The following DENND4B variants were observed in gnomAD, a reference collection of about 807,000 sequenced individuals.
DENND4B encodes DENN domain-containing protein 4B.
DENND4B carries 67 observed loss-of-function variants against 161.0 expected under a neutral mutation model. The observed-to-expected ratio is 0.42, with a 90% CI of 0.34 to 0.51. The LOEUF (loss-of-function observed/expected upper bound fraction) is 0.51. DENND4B is among the 20% of genes least tolerant of loss of function. The probability of loss-of-function intolerance (pLI) is 0.08; values close to 1 mark genes in which losing one functional copy is unlikely to be tolerated. For synonymous variants in DENND4B, 753 were observed against 813.8 expected, an observed-to-expected ratio of 0.93 and a Z score of 1.27; for missense variants, 1,481 against 1,968.0, an observed-to-expected ratio of 0.75 and a Z score of 4.68.
Position 153,933,414 on chromosome 1 carries a change from T to G in DENND4B, c.3330+69A>C. 6.2e-7 allele frequency: 1 copy of G among 1,605,262 alleles called. No individual in the cohort carries two copies. ...CCCCTCAGAGCCCCCTTTTTGAGCA[T>G]TCTTCCAGTCGTAGCCCCTCCCCAA... On this transcript the variant is annotated intron_variant, in intron 20 of 27. Coordinates refer to ENST00000361217, the MANE Select transcript of DENND4B (RefSeq NM_014856.3). The surrounding 1 kb of genome is among the most constrained non-coding windows in gnomAD (Gnocchi z 5.7).
chr1:153,941,667 AGTTT>A (rs1679678107), intron 6 of DENND4B, among the ~76,000 whole-genome samples, 198 bp downstream of exon 6: 2 of 152,160 alleles, frequency 1.3e-5, no homozygotes, highest in East Asian at 1.9e-4. Flanking sequence ...CTAACTAGTA[AGTTT>A]AGACTGGATT....
Position 153,940,816 on chromosome 1 carries a change from A to G in DENND4B, c.1326+88T>C. 1 of 1,486,490 alleles carries G rather than the reference A, an allele frequency of 6.7e-7. No homozygotes were observed. The highest frequency in any genetic ancestry group is 8.9e-7 in the Non-Finnish European group (1 of 1,120,088). 92.1% of individuals were successfully genotyped at this position (1,486,490 alleles called of 1,614,324 possible). A position where few individuals can be genotyped will look rare whatever the true frequency, so the allele number is the denominator to read the frequency against. ...AAGGGGCTGAGGATCCTCCACAAGG[A>G]AGGAAAAGGGAAGAGTCCAGGCAGG... On this transcript the variant is annotated intron_variant, in intron 9 of 27. Coordinates refer to ENST00000361217, the MANE Select transcript of DENND4B (RefSeq NM_014856.3). This position sits in a 1 kb window ranked among gnomAD's most constrained non-coding sequence, Gnocchi z 5.6.
chr1:153,939,806 T>C lies in DENND4B; in HGVS notation c.1604-2A>G. 1 of 1,613,498 alleles carries C rather than the reference T, an allele frequency of 6.2e-7. No homozygotes were observed. The highest frequency in any genetic ancestry group is 8.5e-7 in the Non-Finnish European group (1 of 1,179,678). On this transcript the variant is annotated splice_acceptor_variant, in intron 11 of 27. Coordinates refer to ENST00000361217, the MANE Select transcript of DENND4B (RefSeq NM_014856.3). LOFTEE classifies it high-confidence loss of function. ...CTTCCTCCTCAGGTCCAGTGTATGCTGGAGGCCAGGGCAGCCTAAGAGTCA... is the reference window on the plus strand; with the variant it reads ...CTTCCTCCTCAGGTCCAGTGTATGCCGGAGGCCAGGGCAGCCTAAGAGTCA...
In DENND4B at chr1:153,940,337, G is replaced by A; in HGVS notation, c.1503-81C>T. On this transcript the variant is annotated intron_variant, in intron 10 of 27. Transcript: ENST00000361217. The surrounding 1 kb of genome is among the most constrained non-coding windows in gnomAD (Gnocchi z 5.6). ...GTTCCTTGCCAGCCTCCCTCACTTT[G>A]TGCCTGAAGCTCTTTTTGAGCCCGT... is the stretch of plus-strand genomic sequence containing the variant. The A allele has an allele frequency of 1.3e-6, 2 of 1,563,812 alleles. No homozygotes were observed. The highest frequency in any genetic ancestry group is 1.7e-6 in the Non-Finnish European group (2 of 1,151,282).
chr1:153,937,487 C>A lies in DENND4B; in HGVS notation c.2232+1G>T. On this transcript the variant is annotated splice_donor_variant, in intron 15 of 27. Coordinates refer to ENST00000361217, the MANE Select transcript of DENND4B (RefSeq NM_014856.3). LOFTEE classifies it high-confidence loss of function. This position sits in a 1 kb window ranked among gnomAD's most constrained non-coding sequence, Gnocchi z 4.7. Reference sequence around the variant, plus strand: ...CTCAGTGCGGTCCACCCACTGCTTACCTGTTTGGTACGGCGAGGAGCAGGA... The same window carrying A: ...CTCAGTGCGGTCCACCCACTGCTTAACTGTTTGGTACGGCGAGGAGCAGGA... The A allele has an allele frequency of 6.4e-7, 1 of 1,550,950 alleles. No homozygotes were observed. The highest frequency in any genetic ancestry group is 8.7e-7 in the Non-Finnish European group (1 of 1,147,226).
In DENND4B at chr1:153,932,235, A is replaced by G. The variant is rs772990502; in HGVS notation, c.3965T>C (p.Leu1322Pro). 7.4e-6 allele frequency: 12 copies of G among 1,613,862 alleles called. No homozygotes were observed. The Admixed American group carries it at 1.0e-4, about 13-fold the overall frequency. ...GTGCGAAGGCCCATCACAGGAGGCC[A>G]GCACCAGGCCTGGTAGAATACTGGG... ...RLPSILPGLV[L>P]ASCDGPSHSQ... Residue 1322 changes from leucine to proline, a missense_variant, in exon 24 of 28, where the codon CTG (leucine) becomes CCG (proline). This residue lies in a region of DENND4B where 336 missense variants were observed against 503.3 expected (regional missense o/e 0.67). Transcript: ENST00000361217. The surrounding 1 kb of genome is among the most constrained non-coding windows in gnomAD (Gnocchi z 5.8).
At position 153,944,162 on chromosome 1, in the gene DENND4B, A is replaced by T. The variant is rs1345251186; in HGVS notation, c.213T>A (p.Ser71=). The T allele has an allele frequency of 6.2e-6, 10 of 1,613,018 alleles. No homozygotes were observed. The highest frequency in any genetic ancestry group is 6.8e-6 in the Non-Finnish European group (8 of 1,179,556). Residue 71 remains serine (S), a synonymous_variant, in exon 2 of 28, where the codon TCT becomes TCA. Transcript: ENST00000361217. This position sits in a 1 kb window ranked among gnomAD's most constrained non-coding sequence, Gnocchi z 4.8. ...VPQGYTCIQA[S]AGGHPLELSA... The stretch of plus-strand genomic sequence containing the variant: ...TGAGTTCCAAGGGGTGGCCCCCAGC[A>T]GAAGCCTGGATGCATGTGTAGCCCT...
chr1:153,934,194 C>G lies in DENND4B; in HGVS notation c.2882G>C (p.Ser961Thr), dbSNP rs763160066. ...PASPPGRLVK[S>T]GSLGSARGAQ... The stretch of plus-strand genomic sequence containing the variant: ...CCCTCGGGCACTGCCCAGGCTACCA[C>G]TCTTCACCAGGCGTCCAGGGGGTGA... Residue 961 changes from serine (S) to threonine (T), a missense_variant, in exon 19 of 28, where the codon AGT becomes ACT. By Grantham distance (58) the Ser-to-Thr change is moderately conservative. This residue lies in a region of DENND4B where 339 missense variants were observed against 330.3 expected (regional missense o/e 1.03). Coordinates refer to ENST00000361217, the MANE Select transcript of DENND4B (RefSeq NM_014856.3). The surrounding 1 kb of genome is among the most constrained non-coding windows in gnomAD (Gnocchi z 5.3). The G allele has an allele frequency of 6.2e-7, 1 of 1,606,384 alleles. No homozygotes were observed.
Position 153,930,498 on chromosome 1 carries a change from C to G in DENND4B, c.4345+41G>C. On this transcript the variant is annotated intron_variant, in intron 27 of 27. Transcript: ENST00000361217. The surrounding 1 kb of genome is among the most constrained non-coding windows in gnomAD (Gnocchi z 4.7). ...GGACCGCAGCCTCCCACACCTGGCC[C>G]CAGATCCCTAAACTCCTCAGCCCCT... 2 of 1,614,020 alleles carry G rather than the reference C, an allele frequency of 1.2e-6. No individual in the cohort carries two copies. Among genetic ancestry groups the G allele is most frequent in the Non-Finnish European group, 1.7e-6 (2 of 1,179,894 alleles).
intron 2 of DENND4B, 39 bp from the exon 3 acceptor site, chr1:153,943,169 G>A: frequency 2.5e-6 from 4 of 1,580,200 alleles, no homozygotes; most frequent in Non-Finnish European, 3.5e-6. Context: ...GAGAGGTCAG[G>A]GTAGAGGACA....
intron 13 of DENND4B, among the ~76,000 whole-genome samples, chr1:153,938,599 G>A (rs1679487468): frequency 6.6e-6 from 1 of 151,586 alleles, no homozygotes; most frequent in Non-Finnish European, 1.5e-5. Flanking sequence ...CTACTTAGGA[G>A]GCTGAGGCAG....
At position 153,933,544 on chromosome 1, in the gene DENND4B, C is replaced by G. The variant is rs563400217; in HGVS notation, c.3269G>C (p.Arg1090Pro). The G allele has an allele frequency of 1.9e-6, 3 of 1,547,920 alleles. No individual in the cohort carries two copies. Among genetic ancestry groups the G allele is most frequent in the Non-Finnish European group, 2.6e-6 (3 of 1,149,384 alleles). Residue 1090 changes from arginine (R) to proline (P), a missense_variant, in exon 20 of 28, where the codon CGC (arginine) becomes CCC (proline). Physicochemically the swap from Arg to Pro is moderately radical, Grantham distance 103. Transcript: ENST00000361217. This position sits in a 1 kb window ranked among gnomAD's most constrained non-coding sequence, Gnocchi z 5.7. ...CAGAAGACTGTCCATGGGGCTGCGG[C>G]GGGCTGGGGGTGGCAGGTCAGGAGG... ...ELPPDLPPPA[R>P]RSPMDSLLHP...
chr1:153,932,722 C>G lies in DENND4B; in HGVS notation c.3679G>C (p.Gly1227Arg). 4 of 1,614,058 alleles carry G rather than the reference C, an allele frequency of 2.5e-6. No individual in the cohort carries two copies. Among genetic ancestry groups the G allele is most frequent in the Non-Finnish European group, 3.4e-6 (4 of 1,179,900 alleles). The change falls in exon 23 of 28, where the codon GGT becomes CGT. Residue 1227 changes from glycine to arginine, a missense_variant. This residue lies in a region of DENND4B where 336 missense variants were observed against 503.3 expected (regional missense o/e 0.67). Transcript: ENST00000361217. The surrounding 1 kb of genome is among the most constrained non-coding windows in gnomAD (Gnocchi z 5.8). ...ASGSKDAPVP[G>R]GPGPVLSDRR... ...TCACTGAGCACAGGGCCAGGACCAC[C>G]AGGGACAGGAGCATCTTTGCTGCCA...
chr1:153,940,379 G>A lies in DENND4B; in HGVS notation c.1502+52C>T. ...TGAGCCCGTAGCACTCCACACACTA[G>A]CCCATTCCTGCCCACCACCCTGCAG... On this transcript the variant is annotated intron_variant, in intron 10 of 27. Coordinates refer to ENST00000361217, the MANE Select transcript of DENND4B (RefSeq NM_014856.3). This position sits in a 1 kb window ranked among gnomAD's most constrained non-coding sequence, Gnocchi z 5.6. 6.3e-7 allele frequency: 1 copy of A among 1,591,810 alleles called. No homozygotes were observed. Among genetic ancestry groups the A allele is most frequent in the Middle Eastern group, 1.9e-4 (1 of 5,230 alleles).
At position 153,933,075 on chromosome 1, in the gene DENND4B, G is replaced by A; in HGVS notation, c.3454-45C>T. ...GGAAGTAGGTGCTGTCTGGCCGCCA[G>A]CACTCTGGAGCCCATGCCCCTTCCC... On this transcript the variant is annotated intron_variant, in intron 21 of 27. Transcript: ENST00000361217. The surrounding 1 kb of genome is among the most constrained non-coding windows in gnomAD (Gnocchi z 5.7). The A allele has an allele frequency of 6.2e-7, 1 of 1,610,172 alleles. No homozygotes were observed. Among genetic ancestry groups the A allele is most frequent in the Non-Finnish European group, 8.5e-7 (1 of 1,177,288 alleles).
At position 153,932,460 on chromosome 1, in the gene DENND4B, A is replaced by T. The variant is rs372834188; in HGVS notation, c.3760-20T>A. On this transcript the variant is annotated intron_variant, in intron 23 of 27. Transcript: ENST00000361217. The surrounding 1 kb of genome is among the most constrained non-coding windows in gnomAD (Gnocchi z 5.8). The stretch of plus-strand genomic sequence containing the variant: ...GGCTCCCTATCAGGCACAAAGGGGG[A>T]GGGCAGTAGAGGGCATGTACATCCC... The T allele has an allele frequency of 4.1e-5, 65 of 1,582,694 alleles. No homozygotes were observed. In the African/African-American group the frequency reaches 8.5e-4, roughly 21 times the overall value.
At position 153,934,881 on chromosome 1, in the gene DENND4B, A is replaced by G. The variant is rs746183429; in HGVS notation, c.2652T>C (p.Ala884=). 3 of 1,613,560 alleles carry G rather than the reference A, an allele frequency of 1.9e-6. No homozygotes were observed. Among genetic ancestry groups the G allele is most frequent in the African/African-American group, 2.7e-5 (2 of 74,892 alleles). ...CTCTCAAGGGCTGGCGGAACTGAGC[A>G]GCCCCCAGGACAACATTCCGGAGCT... ...WAKLRNVVLG[A]AQFRQPLRER... is the part of the protein sequence containing the mutation. Residue 884 remains alanine, a synonymous_variant, in exon 18 of 28, where the codon GCT becomes GCC. Coordinates refer to ENST00000361217, the MANE Select transcript of DENND4B (RefSeq NM_014856.3). The surrounding 1 kb of genome is among the most constrained non-coding windows in gnomAD (Gnocchi z 5.3).
At position 153,933,890 on chromosome 1, in the gene DENND4B, T is replaced by A. The variant is rs769344631; in HGVS notation, c.2942-19A>T. 14 of 1,597,886 alleles carry A rather than the reference T, an allele frequency of 8.8e-6. No individual in the cohort carries two copies. The Admixed American group carries it at 2.2e-4, about 25-fold the overall frequency. On this transcript the variant is annotated intron_variant, in intron 19 of 27. Coordinates refer to ENST00000361217, the MANE Select transcript of DENND4B (RefSeq NM_014856.3). This position sits in a 1 kb window ranked among gnomAD's most constrained non-coding sequence, Gnocchi z 5.7. ...TCTATCACTGCAGCACAGAAAAGAATGAGGGAAGATGGACCCCAGCCTCTG... is the reference window on the plus strand; with the variant it reads ...TCTATCACTGCAGCACAGAAAAGAAAGAGGGAAGATGGACCCCAGCCTCTG...
Position 153,946,423 on chromosome 1 carries a change from C to T in DENND4B, c.-146G>A. On this transcript the variant is annotated 5_prime_UTR_variant, in exon 1 of 28. Transcript: ENST00000361217. The surrounding 1 kb of genome is among the most constrained non-coding windows in gnomAD (Gnocchi z 6.3). ...GCGCACCCGACTTGGGCGCCGCTCC[C>T]GCCCGGGCAGTGAGTGAAGGAAGAA... 5.2e-6 allele frequency: 2 copies of T among 386,764 alleles called. No individual in the cohort carries two copies. The highest frequency in any genetic ancestry group is 9.2e-6 in the Non-Finnish European group (2 of 218,362). The allele number at this position is 386,764 out of a possible 1,614,324, so 24.0% of individuals were successfully genotyped here. A position where few individuals can be genotyped will look rare whatever the true frequency, so the allele number is the denominator to read the frequency against.
Sources: allele counts gnomAD v4.1 joint callset (sites outside exome capture counted in the v4.1 genomes callset), GRCh38; gene constraint gnomAD v4.1.1; regional missense constraint gnomAD v4.1.1; non-coding constraint Gnocchi (gnomAD v3.1); transcripts MANE v1.5; gene names NCBI Gene and HGNC (gene_info 2026-07-23, HGNC 2026-07-21).